GRIP1: variants seen among roughly 807,000 people sequenced by gnomAD.
The protein encoded by GRIP1 is glutamate receptor-interacting protein 1.
GRIP1 carries 45 observed loss-of-function variants against 129.9 expected under a neutral mutation model. The ratio of observed to expected loss-of-function variants is 0.35; its 90% CI spans 0.27 to 0.44. The LOEUF (loss-of-function observed/expected upper bound fraction) is 0.44. Ranked by LOEUF, GRIP1 falls within the 20% of genes least tolerant of loss-of-function variation. The probability of loss-of-function intolerance (pLI) is 1.00; values close to 1 mark genes in which losing one functional copy is unlikely to be tolerated. For synonymous variants in GRIP1, 530 were observed against 520.8 expected, an observed-to-expected ratio of 1.02 and a Z score of -0.24; for missense variants, 1,196 against 1,396.8, an observed-to-expected ratio of 0.86 and a Z score of 2.29.
intron 1 of GRIP1, among the ~76,000 whole-genome samples, chr12:66,941,409 A>G (rs1245658525): frequency 1.3e-5 from 2 of 152,220 alleles, no homozygotes. Flanking sequence ...AACAGTTCCA[A>G]TGACTCACCC....
chr12:66,966,856 C>T (rs576998471), intron 1 of GRIP1, among the ~76,000 whole-genome samples: 48 of 152,256 alleles, frequency 3.2e-4, no homozygotes, highest in African/African-American at 1.1e-3. Context: ...AAGTCGCTTC[C>T]TTGCCCTTTC....
At chr12:66,762,808 T>C (rs867238500) in intron 1 of GRIP1, among the ~76,000 whole-genome samples, 1 of 152,222 alleles carries the variant, frequency 6.6e-6, no homozygotes, top group African/African-American at 2.4e-5. Context: ...GCATATACAA[T>C]GTGCAGTGGT....
At chr12:67,029,648 T>C (rs1188903413) in intron 1 of GRIP1, among the ~76,000 whole-genome samples, 1 of 151,480 alleles carries the variant, frequency 6.6e-6, no homozygotes, top group Non-Finnish European at 1.5e-5. Context: ...ATTTTTATTA[T>C]TAAACCAAAA....
At chr12:66,402,891 G>A (rs1430062013) in intron 16 of GRIP1, among the ~76,000 whole-genome samples, 1 of 152,192 alleles carries the variant, frequency 6.6e-6, no homozygotes, top group East Asian at 1.9e-4. Flanking sequence ...TCAAGGATCA[G>A]AACGAATGCA....
In GRIP1 at chr12:66,483,936, T is replaced by C. The variant is rs867455769; in HGVS notation, c.725-18514A>G. Among the ~76,000 whole-genome samples, 243 of 151,634 alleles carry C rather than the reference T, an allele frequency of 1.6e-3. 1 individual carries two copies. Among genetic ancestry groups the C allele is most frequent in the Middle Eastern group, 6.8e-3 (2 of 292 alleles). ...GTGCAGTGGCGGGATCTCGGCTCACTGCAAGCTCCGCCTCCCGGGTTCACG... is the reference window on the plus strand; with the variant it reads ...GTGCAGTGGCGGGATCTCGGCTCACCGCAAGCTCCGCCTCCCGGGTTCACG... On this transcript the variant is annotated intron_variant, in intron 7 of 24. Transcript: ENST00000359742.
At chr12:66,462,803 A>G in intron 9 of GRIP1, 121 bp downstream of exon 9, 4 of 139,834 alleles carry the variant, frequency 2.9e-5, no homozygotes, top group Non-Finnish European at 3.7e-5. Context: ...CTCCATCTCA[A>G]AAAAAAAAAA....
chr12:66,892,169 G>A (rs2040671289), intron 1 of GRIP1, among the ~76,000 whole-genome samples: 1 of 152,066 alleles, frequency 6.6e-6, no homozygotes, highest in African/African-American at 2.4e-5. Context: ...ATGGTGACAG[G>A]GTAGTGACAG....
chr12:66,425,828 G>C (rs1483230127), intron 14 of GRIP1, among the ~76,000 whole-genome samples: 1 of 152,004 alleles, frequency 6.6e-6, no homozygotes, highest in African/African-American at 2.4e-5. Flanking sequence ...GTTGTGGGGT[G>C]GGGGAAGGGG....
chr12:66,470,365 C>T (rs2138408873), intron 7 of GRIP1, among the ~76,000 whole-genome samples: 1 of 151,964 alleles, frequency 6.6e-6, no homozygotes, highest in South Asian at 2.1e-4. Context: ...TCAGCCGCTG[C>T]TACAGTGCCT....
intron 7 of GRIP1, among the ~76,000 whole-genome samples, chr12:66,501,779 A>T (rs2060400906): frequency 6.6e-6 from 1 of 152,206 alleles, no homozygotes. Context: ...TCCCATATAT[A>T]ATCTGAAAAG....
intron 1 of GRIP1, among the ~76,000 whole-genome samples, chr12:66,600,443 A>G (rs2064229651): frequency 6.6e-6 from 1 of 152,242 alleles, no homozygotes; most frequent in Admixed American, 6.5e-5. Flanking sequence ...GTTTGCTGAT[A>G]AAATATGTGA....
intron 1 of GRIP1, among the ~76,000 whole-genome samples, chr12:66,659,171 A>G (rs571695245): frequency 1.2e-4 from 19 of 152,306 alleles, no homozygotes; most frequent in African/African-American, 4.1e-4. Flanking sequence ...TCACCTAATC[A>G]GAGGCTGTTC....
At chr12:66,510,387 C>G (rs965022836) in intron 7 of GRIP1, among the ~76,000 whole-genome samples, 1 of 152,118 alleles carries the variant, frequency 6.6e-6, no homozygotes, top group Non-Finnish European at 1.5e-5. Context: ...TTCTCCCCTA[C>G]GTATCTCATC....
intron 1 of GRIP1, among the ~76,000 whole-genome samples, chr12:66,822,402 G>C (rs2039336534): frequency 6.6e-6 from 1 of 152,328 alleles, no homozygotes; most frequent in South Asian, 2.1e-4. Context: ...ATTGCTGGTA[G>C]GATTGCAAAT....
chr12:66,597,406 T>C (rs1330562241), intron 1 of GRIP1, among the ~76,000 whole-genome samples: 2 of 152,186 alleles, frequency 1.3e-5, no homozygotes, highest in African/African-American at 4.8e-5. Context: ...AGAGTTAGTA[T>C]TGCAAGGGAA....
At chr12:66,426,606 C>T (rs1020380110) in intron 14 of GRIP1, among the ~76,000 whole-genome samples, 4 of 152,090 alleles carry the variant, frequency 2.6e-5, no homozygotes, top group African/African-American at 4.8e-5. Flanking sequence ...GTGACAGCCT[C>T]GCATATTAGA....
In GRIP1 at chr12:66,932,814, G is replaced by A. The variant is rs150152890; in HGVS notation, c.58+136236C>T. 7.7e-3 allele frequency among the ~76,000 whole-genome samples: 1,166 copies of A among 152,098 alleles called. 21 individuals carry two copies. Among genetic ancestry groups the A allele is most frequent in the African/African-American group, 0.027 (1,106 of 41,488 alleles). ...CTCCCAAGTAACTAGGACTGCAGGCGCCTGCCACCGCGCCCAGCTAATTTT... is the reference window on the plus strand; with the variant it reads ...CTCCCAAGTAACTAGGACTGCAGGCACCTGCCACCGCGCCCAGCTAATTTT... On this transcript the variant is annotated intron_variant, in intron 1 of 1. Transcript: ENST00000643019.
intron 1 of GRIP1, among the ~76,000 whole-genome samples, chr12:66,658,742 A>C (rs1302698775): frequency 6.6e-6 from 1 of 151,940 alleles, no homozygotes; most frequent in Admixed American, 6.6e-5. Flanking sequence ...CTGTCTCTAA[A>C]AATAAAAATA....
chr12:66,458,654 G>A (rs1270240342), intron 9 of GRIP1, among the ~76,000 whole-genome samples: 1 of 152,202 alleles, frequency 6.6e-6, no homozygotes, highest in Non-Finnish European at 1.5e-5. Context: ...CAAAGTGCTG[G>A]GATTACAGGC....
Sources: gnomAD v4.1 joint callset for allele counts (sites outside exome capture counted in the v4.1 genomes callset) on GRCh38, gnomAD v4.1.1 for gene constraint, MANE v1.5 for transcripts, NCBI Gene and HGNC (gene_info 2026-07-23, HGNC 2026-07-21) for gene names.